The following EFL1 variants were observed in gnomAD, a reference collection of about 807,000 sequenced individuals.
The protein encoded by EFL1 is elongation factor-like GTPase 1.
A neutral mutation model predicts 126.7 loss-of-function variants in EFL1; 76 were observed. That is an observed-to-expected ratio of 0.60 (90% CI 0.50 to 0.73). The LOEUF (loss-of-function observed/expected upper bound fraction) is 0.73. EFL1 is among the 30% of genes least tolerant of loss of function. The pLI, the probability that EFL1 is intolerant of heterozygous loss-of-function variation, is 0.00. For synonymous variants in EFL1, 410 were observed against 448.4 expected (o/e 0.91, Z 1.08); for missense variants, 1,128 against 1,343.2 (o/e 0.84, Z 2.50).
At chr15:82,204,869 CA>C (rs1245314093) in intron 15 of EFL1, among the ~76,000 whole-genome samples, 3 of 152,214 alleles carry the variant, frequency 2.0e-5, no homozygotes, top group African/African-American at 7.2e-5. Flanking sequence ...AGTATGTTTC[CA>C]GCATATCTTT....
At chr15:82,149,757 T>A (rs562297688) in intron 18 of EFL1, among the ~76,000 whole-genome samples, 1 of 152,164 alleles carries the variant, frequency 6.6e-6, no homozygotes, top group Admixed American at 6.5e-5. Flanking sequence ...GGAAGAGAGA[T>A]GAATGGTGGT....
chr15:82,158,097 T>C (rs774992945), intron 16 of EFL1, among the ~76,000 whole-genome samples: 1 of 152,218 alleles, frequency 6.6e-6, no homozygotes, highest in Non-Finnish European at 1.5e-5. Flanking sequence ...AGCTGATCTA[T>C]ATTACTTCTT....
At chr15:82,253,046 T>C (rs184701146) in intron 3 of EFL1, among the ~76,000 whole-genome samples, 1 of 147,740 alleles carries the variant, frequency 6.8e-6, no homozygotes, top group East Asian at 2.0e-4. Context: ...TATAGAGCCT[T>C]TTTTTTTTTT....
At chr15:82,187,290 A>G (rs1416950171) in intron 15 of EFL1, among the ~76,000 whole-genome samples, 1 of 152,206 alleles carries the variant, frequency 6.6e-6, no homozygotes, top group African/African-American at 2.4e-5. Flanking sequence ...GGCGTAATTT[A>G]TCCTTAAGCT....
intron 15 of EFL1, among the ~76,000 whole-genome samples, chr15:82,197,193 T>C (rs975518958): frequency 6.6e-6 from 1 of 152,210 alleles, no homozygotes; most frequent in Non-Finnish European, 1.5e-5. Flanking sequence ...ACAACTATTA[T>C]ACAATAAATC....
In EFL1 at chr15:82,262,648, C is replaced by T; in HGVS notation, c.-54G>A. 4 of 488,796 alleles carry T rather than the reference C, an allele frequency of 8.2e-6. No individual in the cohort carries two copies. The highest frequency in any genetic ancestry group is 2.4e-5 in the South Asian group (1 of 41,272). 30.3% of individuals were successfully genotyped at this position (488,796 alleles called of 1,614,324 possible). A position where few individuals can be genotyped will look rare whatever the true frequency, so the allele number is the denominator to read the frequency against. On this transcript the variant is annotated 5_prime_UTR_variant, in exon 1 of 20. Coordinates refer to ENST00000268206, the MANE Select transcript of EFL1 (RefSeq NM_024580.6). ...CAGCCCCACCAGCCCCGCTCCTTCTCTCGGGTCGCACCCACACCGAGAGCT... is the reference window on the plus strand; with the variant it reads ...CAGCCCCACCAGCCCCGCTCCTTCTTTCGGGTCGCACCCACACCGAGAGCT...
rs367773999 is a variant in EFL1 at position 82,220,257 on chromosome 15, T to A, written c.1293-28A>T. 2.4e-5 allele frequency: 37 copies of A among 1,551,024 alleles called. No homozygotes were observed. In the African/African-American group the frequency reaches 4.9e-4, roughly 20 times the overall value. On this transcript the variant is annotated intron_variant, in intron 12 of 19. Coordinates refer to ENST00000268206, the MANE Select transcript of EFL1 (RefSeq NM_024580.6). ...ACAGGATATCACAAATATGCTGTCA[T>A]CTCTCAGTTCATCCAAGTAGGGAAA...
intron 11 of EFL1, among the ~76,000 whole-genome samples, 174 bp from the exon 12 acceptor site, chr15:82,225,438 T>C (rs1268705916): frequency 1.3e-5 from 2 of 152,168 alleles, no homozygotes; most frequent in African/African-American, 4.8e-5. Context: ...AAGGGTAAGA[T>C]TGCTAGGAAA....
chr15:82,205,416 G>C (rs2074514205), intron 15 of EFL1, among the ~76,000 whole-genome samples: 1 of 152,062 alleles, frequency 6.6e-6, no homozygotes, highest in Non-Finnish European at 1.5e-5. Context: ...CTACATTGTT[G>C]AGTTGGAAGA....
intron 18 of EFL1, among the ~76,000 whole-genome samples, chr15:82,149,911 G>T (rs1315600496): frequency 6.6e-6 from 1 of 152,088 alleles, no homozygotes; most frequent in African/African-American, 2.4e-5. Context: ...GGTAGGAGAG[G>T]CTGGAGAAAA....
chr15:82,165,997 T>A (rs2074075875), intron 15 of EFL1, among the ~76,000 whole-genome samples: 1 of 152,200 alleles, frequency 6.6e-6, no homozygotes, highest in South Asian at 2.1e-4. Context: ...CTTGTTTACA[T>A]CTCCCATTGG....
chr15:82,186,935 C>T (rs1195925158), intron 15 of EFL1, among the ~76,000 whole-genome samples: 2 of 152,186 alleles, frequency 1.3e-5, no homozygotes, highest in African/African-American at 4.8e-5. Flanking sequence ...TTTGAGCACT[C>T]CCTCACTGGA....
At chr15:82,211,725 C>T (rs1005737930) in intron 15 of EFL1, among the ~76,000 whole-genome samples, 15 of 151,890 alleles carry the variant, frequency 9.9e-5, no homozygotes, top group Non-Finnish European at 1.8e-4. Flanking sequence ...TGCTAACATA[C>T]GCTACACATT....
intron 12 of EFL1, among the ~76,000 whole-genome samples, chr15:82,223,118 A>G (rs2141306382): frequency 1.3e-5 from 2 of 152,302 alleles, no homozygotes; most frequent in Admixed American, 1.3e-4. Flanking sequence ...TCCCTGGCAC[A>G]TATCACTAAT....
At chr15:82,246,861 A>T (rs2141333181) in intron 4 of EFL1, among the ~76,000 whole-genome samples, 1 of 152,250 alleles carries the variant, frequency 6.6e-6, no homozygotes, top group East Asian at 1.9e-4. Context: ...GGTTTAAAAT[A>T]GGTATTGGGA....
rs1266538097 is a variant in EFL1 at position 82,219,793 on chromosome 15, C to A, written c.1470G>T (p.Met490Ile). 6.2e-7 allele frequency: 1 copy of A among 1,609,728 alleles called. No individual in the cohort carries two copies. The highest frequency in any genetic ancestry group is 8.5e-7 in the Non-Finnish European group (1 of 1,178,916). Residue 490 changes from methionine to isoleucine, a missense_variant, in exon 14 of 20, where the codon ATG becomes ATT. Met to Ile is a conservative substitution (Grantham distance 10, BLOSUM62 1). Coordinates refer to ENST00000268206, the MANE Select transcript of EFL1 (RefSeq NM_024580.6). Reference sequence around the variant, plus strand: ...CTTCCTGGAGCACAGGTTTAGGGGTCATACTTTCCACCTGTTGCTCGTCAC... The same window carrying A: ...CTTCCTGGAGCACAGGTTTAGGGGTAATACTTTCCACCTGTTGCTCGTCAC... Reference protein sequence around the residue: ...PRGDEQQVESMTPKPVLQEEN... With the variant: ...PRGDEQQVESITPKPVLQEEN...
At chr15:82,132,846 G>A (rs2073673077) in intron 19 of EFL1, among the ~76,000 whole-genome samples, 1 of 152,176 alleles carries the variant, frequency 6.6e-6, no homozygotes, top group African/African-American at 2.4e-5. Context: ...AATTTTGTGG[G>A]CACAACAGTC....
chr15:82,138,600 T>C, intron 19 of EFL1, 58 bp downstream of exon 19: 2 of 1,578,426 alleles, frequency 1.3e-6, no homozygotes, highest in Non-Finnish European at 1.7e-6. Context: ...TGGCCTCCTC[T>C]GTAGGGAATG....
chr15:82,207,470 T>G (rs967075883), intron 15 of EFL1, among the ~76,000 whole-genome samples: 2 of 151,960 alleles, frequency 1.3e-5, no homozygotes, highest in African/African-American at 4.8e-5. Context: ...AAGAAGGGAT[T>G]GTCTCCAAGA....
Sources: allele counts gnomAD v4.1 joint callset (sites outside exome capture counted in the v4.1 genomes callset), GRCh38; gene constraint gnomAD v4.1.1; transcripts MANE v1.5; gene names NCBI Gene and HGNC (gene_info 2026-07-23, HGNC 2026-07-21).